The following GTPBP4 variants were observed in gnomAD, a reference collection of about 807,000 sequenced individuals.
GTPBP4 encodes the protein GTP binding protein 4, also known as GTP-binding protein 4.
GTPBP4 carries 15 observed loss-of-function variants against 81.7 expected under a neutral mutation model. The ratio of observed to expected loss-of-function variants is 0.18; its 90% confidence interval spans 0.12 to 0.28. GTPBP4 has a LOEUF of 0.28. Among genes scored for constraint, GTPBP4 ranks in the 10% least tolerant of loss-of-function variants. The pLI, the probability that GTPBP4 is intolerant of heterozygous loss-of-function variation, is 1.00. For missense variants in GTPBP4, 847 were observed against 793.8 expected (o/e 1.07, Z -0.81); for synonymous variants, 272 against 274.6 (o/e 0.99, Z 0.09).
At chr10:1,011,643 T>C (rs186119076) in intron 13 of GTPBP4, among the ~76,000 whole-genome samples, 2 of 152,376 alleles carry the variant, frequency 1.3e-5, no homozygotes, top group Admixed American at 1.3e-4. Flanking sequence ...ATTTTCAGTC[T>C]CGTGGTCTCT....
intron 8 of GTPBP4, among the ~76,000 whole-genome samples, chr10:1,004,803 G>T (rs930235460): frequency 2.0e-5 from 3 of 152,144 alleles, no homozygotes; most frequent in African/African-American, 7.2e-5. Context: ...CCAGGTTTGG[G>T]TAGTTTGGAG....
At chr10:1,009,149 C>G (rs950689441) in intron 11 of GTPBP4, 114 bp downstream of exon 11, 3 of 717,216 alleles carry the variant, frequency 4.2e-6, no homozygotes, top group Non-Finnish European at 7.3e-6. Flanking sequence ...ACACTGGCCC[C>G]GTCAGGCTGC....
rs6560867 is a variant in GTPBP4, at chr10:1,006,794, G to A, written c.1003-224G>A. On this transcript the variant is annotated intron_variant, in intron 9 of 16. Transcript: ENST00000360803. ...TCGTGAAGGGCAGTTGGAGGGCACC[G>A]TCTGTGCAGAGGGTCACTGTGGTGG... is the stretch of plus-strand genomic sequence containing the variant. Among the ~76,000 whole-genome samples the A allele has an allele frequency of 3.4e-3, 517 of 152,310 alleles. 4 individuals carry two copies. Among genetic ancestry groups the A allele is most frequent in the African/African-American group, 0.01 (422 of 41,568 alleles).
intron 8 of GTPBP4, among the ~76,000 whole-genome samples, chr10:1,001,861 A>T (rs1281471630): frequency 6.6e-6 from 1 of 151,706 alleles, no homozygotes; most frequent in Non-Finnish European, 1.5e-5. Flanking sequence ...AATGTGTTTT[A>T]TGCAGCGGTT....
chr10:1,008,355 A>C (rs1372064692), intron 10 of GTPBP4: 1 of 370,918 alleles, frequency 2.7e-6, no homozygotes, highest in African/African-American at 2.1e-5. Flanking sequence ...CAGTGAGCCG[A>C]GATCACTCCA....
At chr10:1,001,930 TG>T (rs1163880523) in intron 8 of GTPBP4, among the ~76,000 whole-genome samples, 55 of 111,578 alleles carry the variant, frequency 4.9e-4, no homozygotes, top group African/African-American at 1.6e-3. Context: ...ATTTTATTTT[TG>T]TTTTTTTTTT....
At chr10:1,003,544 T>G (rs1589026962) in intron 8 of GTPBP4, among the ~76,000 whole-genome samples, 1 of 152,164 alleles carries the variant, frequency 6.6e-6, no homozygotes, top group East Asian at 1.9e-4. Context: ...TCTTCTAGAG[T>G]GGCTTTCATG....
intron 1 of GTPBP4, among the ~76,000 whole-genome samples, chr10:991,016 C>T (rs1466258216): frequency 6.6e-6 from 1 of 151,512 alleles, no homozygotes; most frequent in African/African-American, 2.4e-5. Flanking sequence ...ACTGTTGTGA[C>T]CACCCGTTTA....
At chr10:994,820 T>G (rs1831510316) in intron 2 of GTPBP4, among the ~76,000 whole-genome samples, 1 of 152,258 alleles carries the variant, frequency 6.6e-6, no homozygotes, top group Non-Finnish European at 1.5e-5. Context: ...AAGTTGTCAT[T>G]CACTGAATGC....
intron 1 of GTPBP4, among the ~76,000 whole-genome samples, chr10:989,812 C>T (rs940732046): frequency 1.3e-5 from 2 of 152,202 alleles, no homozygotes; most frequent in Non-Finnish European, 2.9e-5. Context: ...GTGATCCTGA[C>T]TGCAGCCACC....
rs567539161 is a variant in GTPBP4 at position 1,017,159 on chromosome 10, G to A, written c.1837G>A (p.Val613Met). Residue 613 changes from valine (V) to methionine (M), a missense_variant, in exon 17 of 17, where the codon GTG (valine) becomes ATG (methionine). Physicochemically the swap from Val to Met is conservative, Grantham distance 21. Coordinates refer to ENST00000360803, the MANE Select transcript of GTPBP4 (RefSeq NM_012341.3). The stretch of plus-strand genomic sequence containing the variant: ...GAAGAAAGGGGAGGCGGATAGACAC[G>A]TGTTTGATATGAAGCCCAAGCACTT... ...LGKKGEADRH[V>M]FDMKPKHLLS... 1.1e-5 allele frequency: 18 copies of A among 1,613,818 alleles called. No homozygotes were observed. In the East Asian group the frequency reaches 1.6e-4, roughly 14 times the overall value.
chr10:996,256 A>G lies in GTPBP4; in HGVS notation c.460+14A>G, dbSNP rs745676373. On this transcript the variant is annotated intron_variant, in intron 4 of 16. Coordinates refer to ENST00000360803, the MANE Select transcript of GTPBP4 (RefSeq NM_012341.3). The stretch of plus-strand genomic sequence containing the variant: ...ATTTGGAGCAAGGTGCTTGTCACGC[A>G]TCCGCGGGAACCGTGCTAGCATCCT... 196 of 1,606,880 alleles carry G rather than the reference A, an allele frequency of 1.2e-4. No homozygotes were observed. Among genetic ancestry groups the G allele is most frequent in the Non-Finnish European group, 1.6e-4 (191 of 1,176,268 alleles).
rs1015768620 is a variant in GTPBP4 at position 1,017,718 on chromosome 10, T to C, written c.*491T>C. 1 of 152,496 alleles carries C rather than the reference T, an allele frequency of 6.6e-6. No homozygotes were observed. Among genetic ancestry groups the C allele is most frequent in the African/African-American group, 2.4e-5 (1 of 41,462 alleles). The allele number at this position is 152,496 out of a possible 1,614,324, so 9.4% of individuals were successfully genotyped here. On this transcript the variant is annotated 3_prime_UTR_variant, in exon 17 of 17. Coordinates refer to ENST00000360803, the MANE Select transcript of GTPBP4 (RefSeq NM_012341.3). ...GTTTTCATTTACTTAGCTCATGTTTTGGTTTAGTTATAGTCGCTATGGATT... is the reference window on the plus strand; with the variant it reads ...GTTTTCATTTACTTAGCTCATGTTTCGGTTTAGTTATAGTCGCTATGGATT...
chr10:1,016,021 C>A, intron 16 of GTPBP4, 125 bp downstream of exon 16: 1 of 871,770 alleles, frequency 1.1e-6, no homozygotes, highest in Non-Finnish European at 1.8e-6. Flanking sequence ...GTACTGCATG[C>A]CCTCGTTTTG....
At chr10:1,009,415 C>T in intron 11 of GTPBP4, 114 bp from the exon 12 acceptor site, 1 of 780,114 alleles carries the variant, frequency 1.3e-6, no homozygotes, top group South Asian at 1.4e-5. Context: ...GGAAGGTGAA[C>T]CCCACTGATA....
Position 988,434 on chromosome 10 carries a change from G to C in GTPBP4, c.-46G>C, listed in dbSNP as rs1353800497. ...GGAAGTCCCACCTGCGCCCGACGGC[G>C]GAAGTTCCGGGAGTGCCAAGTACCC... On this transcript the variant is annotated 5_prime_UTR_variant, in exon 1 of 17. Transcript: ENST00000360803. 6.4e-7 allele frequency: 1 copy of C among 1,568,196 alleles called. No individual in the cohort carries two copies. The highest frequency in any genetic ancestry group is 8.8e-7 in the Non-Finnish European group (1 of 1,138,984).
chr10:1,007,750 C>T, intron 10 of GTPBP4: 1 of 385,334 alleles, frequency 2.6e-6, no homozygotes, highest in Non-Finnish European at 5.0e-6. Flanking sequence ...AGGCTGTGTC[C>T]TTCCCTCTGT....
chr10:1,008,812 C>A, intron 10 of GTPBP4, 146 bp from the exon 11 acceptor site: 1 of 709,374 alleles, frequency 1.4e-6, no homozygotes, highest in East Asian at 2.7e-5. Flanking sequence ...CTCCTCTCCC[C>A]TAAAATAATC....
intron 9 of GTPBP4, among the ~76,000 whole-genome samples, chr10:1,006,727 T>C (rs549214498): frequency 5.4e-4 from 83 of 152,308 alleles, no homozygotes; most frequent in African/African-American, 1.6e-3. Flanking sequence ...CTCAGGAATT[T>C]GTTGCTCGGT....
Sources: allele counts gnomAD v4.1 joint callset (sites outside exome capture counted in the v4.1 genomes callset), GRCh38; gene constraint gnomAD v4.1.1; transcripts MANE v1.5; gene names NCBI Gene and HGNC (gene_info 2026-07-23, HGNC 2026-07-21).